CPLX1: variants seen among roughly 807,000 people sequenced by gnomAD.
The protein encoded by CPLX1 is complexin 1.
In CPLX1, 6 loss-of-function variants were observed where a neutral mutation model predicts 15.6. That is an observed-to-expected ratio of 0.39 (90% confidence interval 0.21 to 0.76). The LOEUF (loss-of-function observed/expected upper bound fraction) is 0.76. Ranked by LOEUF, CPLX1 falls within the 30% of genes least tolerant of loss-of-function variation. The probability of loss-of-function intolerance (pLI) is 0.43; values close to 1 mark genes in which losing one functional copy is unlikely to be tolerated. For synonymous variants in CPLX1, 91 were observed against 75.2 expected, an observed-to-expected ratio of 1.21 and a Z score of -1.08; for missense variants, 242 against 188.6, an observed-to-expected ratio of 1.28 and a Z score of -1.66.
At chr4:793,893 T>A (rs573083686) in intron 2 of CPLX1, among the ~76,000 whole-genome samples, 2 of 152,150 alleles carry the variant, frequency 1.3e-5, no homozygotes, top group African/African-American at 2.4e-5. Flanking sequence ...TCAGGTGAAA[T>A]TGTGGGTTAG....
In CPLX1 at chr4:826,088, C is replaced by G. The variant is rs1386636073; in HGVS notation, c.-122G>C. ...GGTCAGCGGCGGGGCGCGCTCGGGCCGGCTGGGTCCATGTGGCGCCCGGTG... is the reference window on the plus strand; with the variant it reads ...GGTCAGCGGCGGGGCGCGCTCGGGCGGGCTGGGTCCATGTGGCGCCCGGTG... On this transcript the variant is annotated 5_prime_UTR_variant, in exon 1 of 4. Transcript: ENST00000304062. 6.9e-6 allele frequency: 1 copy of G among 145,772 alleles called. No homozygotes were observed. Among genetic ancestry groups the G allele is most frequent in the Non-Finnish European group, 1.5e-5 (1 of 66,024 alleles). The allele number at this position is 145,772 out of a possible 1,614,324, so 9.0% of individuals were successfully genotyped here. A position where few individuals can be genotyped will look rare whatever the true frequency, so the allele number is the denominator to read the frequency against.
At chr4:793,292 C>A (rs935652373) in intron 2 of CPLX1, among the ~76,000 whole-genome samples, 2 of 151,624 alleles carry the variant, frequency 1.3e-5, no homozygotes, top group African/African-American at 4.9e-5. Context: ...GGCAGGGGCC[C>A]TGCTGGGGCA....
At chr4:800,849 G>GTATATA (rs763825494) in intron 2 of CPLX1, among the ~76,000 whole-genome samples, 1 of 131,688 alleles carries the variant, frequency 7.6e-6, no homozygotes, top group East Asian at 2.2e-4. Flanking sequence ...GTATATATAT[G>GTATATA]TATATATATA....
At chr4:787,093 C>A in intron 3 of CPLX1, 1 of 985,360 alleles carries the variant, frequency 1.0e-6, no homozygotes, top group Non-Finnish European at 1.2e-6. Context: ...GAGAAACAGT[C>A]AACCCGCAGC....
chr4:788,060 C>T (rs1746055154), intron 3 of CPLX1: 1 of 985,324 alleles, frequency 1.0e-6, no homozygotes, highest in Non-Finnish European at 1.2e-6. Context: ...TGGGCACCAG[C>T]ACTCTACAGG....
intron 3 of CPLX1, chr4:787,130 A>G (rs762045349): frequency 1.0e-4 from 103 of 985,256 alleles, no homozygotes; most frequent in Non-Finnish European, 1.2e-4. Context: ...TGCCTGGTCC[A>G]CGACCTGCAT....
Position 794,582 on chromosome 4 carries a change from G to A in CPLX1, c.32-1974C>T, listed in dbSNP as rs1203528670. On this transcript the variant is annotated intron_variant, in intron 2 of 3. Transcript: ENST00000304062. ...GGACCAAAATCTCTCTGCCTCCAGC[G>A]GGCTGTCTCTAGCAGGTGTGTGGGG... is the stretch of plus-strand genomic sequence containing the variant. 3.3e-5 allele frequency among the ~76,000 whole-genome samples: 5 copies of A among 152,160 alleles called. No individual in the cohort carries two copies. The East Asian group carries it at 7.7e-4, about 23-fold the overall frequency.
intron 3 of CPLX1, among the ~76,000 whole-genome samples, chr4:791,171 TGCGGG>T (rs1257122768): frequency 8.6e-6 from 1 of 116,026 alleles, no homozygotes; most frequent in Non-Finnish European, 1.8e-5. Context: ...CTGGGTCAGC[TGCGGG>T]GCGGGGGGCG....
chr4:822,670 T>TG (rs1560248332), intron 2 of CPLX1, among the ~76,000 whole-genome samples: 1 of 152,146 alleles, frequency 6.6e-6, no homozygotes, highest in Admixed American at 6.5e-5. Flanking sequence ...ATAGTTCTCT[T>TG]GGGGTCTCTG....
chr4:797,663 G>T (rs1746369507), intron 2 of CPLX1, among the ~76,000 whole-genome samples: 1 of 151,278 alleles, frequency 6.6e-6, no homozygotes, highest in African/African-American at 2.4e-5. Context: ...GCCGGGCGCG[G>T]TGGCTCACGC....
intron 2 of CPLX1, among the ~76,000 whole-genome samples, chr4:803,705 C>A (rs1279743218): frequency 6.6e-6 from 1 of 150,880 alleles, no homozygotes; most frequent in African/African-American, 2.4e-5. Context: ...CTCTTGAGAC[C>A]TGTTGTCCAG....
chr4:816,064 A>C (rs1232400544), intron 2 of CPLX1, among the ~76,000 whole-genome samples: 15 of 152,162 alleles, frequency 9.9e-5, no homozygotes, highest in Admixed American at 9.8e-4. Context: ...GAGCTATTTA[A>C]GTTATATTCA....
chr4:803,206 T>G (rs188005372), intron 2 of CPLX1, among the ~76,000 whole-genome samples: 128 of 152,372 alleles, frequency 8.4e-4, no homozygotes, highest in African/African-American at 3.1e-3. Flanking sequence ...TAAATCTGCC[T>G]GCAGTAAGAC....
intron 2 of CPLX1, among the ~76,000 whole-genome samples, chr4:810,916 C>T (rs1387082786): frequency 2.0e-5 from 3 of 151,922 alleles, no homozygotes; most frequent in Admixed American, 6.6e-5. Context: ...AGGATGGTCT[C>T]GAACTCCTGA....
intron 2 of CPLX1, among the ~76,000 whole-genome samples, chr4:814,356 G>A (rs1746711367): frequency 6.6e-6 from 1 of 152,168 alleles, no homozygotes; most frequent in Admixed American, 6.5e-5. Context: ...TGGACTACAG[G>A]TGCCTGCCAC....
At chr4:792,644 C>A in intron 2 of CPLX1, 36 bp from the exon 3 acceptor site, 1 of 1,587,434 alleles carries the variant, frequency 6.3e-7, no homozygotes, top group Non-Finnish European at 8.6e-7. Context: ...CCGCCCCATT[C>A]AGATGTCCAG....
chr4:790,855 G>T (rs968893614), intron 3 of CPLX1, among the ~76,000 whole-genome samples: 2 of 151,750 alleles, frequency 1.3e-5, no homozygotes, highest in African/African-American at 4.8e-5. Flanking sequence ...CCTGTGTCTC[G>T]GCCTTGATTG....
chr4:797,311 CA>C (rs1746361354), intron 2 of CPLX1, among the ~76,000 whole-genome samples: 1 of 152,146 alleles, frequency 6.6e-6, no homozygotes, highest in Admixed American at 6.5e-5. Flanking sequence ...GCAGCCCTGG[CA>C]CCTAGAGCAG....
chr4:787,950 A>C, intron 3 of CPLX1: 6 of 985,220 alleles, frequency 6.1e-6, no homozygotes, highest in Non-Finnish European at 7.2e-6. Flanking sequence ...CCTGAACAGG[A>C]CCCCCGGGCC....
Sources: allele counts gnomAD v4.1 joint callset (sites outside exome capture counted in the v4.1 genomes callset), GRCh38; gene constraint gnomAD v4.1.1; transcripts MANE v1.5; gene names NCBI Gene and HGNC (gene_info 2026-07-23, HGNC 2026-07-21).